AFF3: variants seen among roughly 807,000 people sequenced by gnomAD.
AFF3 encodes ALF transcription elongation factor 3, also known as AF4/FMR2 family member 3.
AFF3 carries 32 observed loss-of-function variants against 129.7 expected under a neutral mutation model. That is an observed-to-expected ratio of 0.25 (90% CI 0.19 to 0.33). The LOEUF (loss-of-function observed/expected upper bound fraction) is 0.33. AFF3 is among the 10% of genes least tolerant of loss of function. The pLI is 1.00. For synonymous variants in AFF3, 644 were observed against 635.4 expected, an observed-to-expected ratio of 1.01 and a Z score of -0.20; for missense variants, 1,373 against 1,592.0, an observed-to-expected ratio of 0.86 and a Z score of 2.34.
intron 13 of AFF3, among the ~76,000 whole-genome samples, chr2:99,634,416 T>C (rs892192169): frequency 6.6e-6 from 1 of 152,196 alleles, no homozygotes; most frequent in South Asian, 2.1e-4. Context: ...TTCCGATTAT[T>C]CAGGGAATCT....
Position 100,006,637 on chromosome 2 carries a change from C to T in AFF3, c.868G>A (p.Gly290Arg). 6.2e-7 allele frequency: 1 copy of T among 1,604,958 alleles called. No individual in the cohort carries two copies. The highest frequency in any genetic ancestry group is 2.2e-5 in the East Asian group (1 of 44,632). ...KLSKFSIPKQ[G>R]EESRSGETNS... Reference sequence around the variant, plus strand: ...CGGTGCTGATAAAGACTCACCTCCCCCTGCTTGGGGATGCTGAACTTGGAG... The same window carrying T: ...CGGTGCTGATAAAGACTCACCTCCCTCTGCTTGGGGATGCTGAACTTGGAG... Residue 290 changes from glycine to arginine, a missense_variant, in exon 7 of 25, where the codon GGG (glycine) becomes AGG (arginine). Physicochemically the swap from Gly to Arg is moderately radical, Grantham distance 125 (BLOSUM62 -2). Coordinates refer to ENST00000672756, the MANE Select transcript of AFF3 (RefSeq NM_001386135.1).
chr2:100,136,056 T>G (rs2105603431), intron 1 of AFF3, among the ~76,000 whole-genome samples: 1 of 152,212 alleles, frequency 6.6e-6, no homozygotes, highest in East Asian at 1.9e-4. Context: ...GAGAAAACTG[T>G]GGGAGGAACA....
chr2:100,015,519 T>G (rs1303288923), intron 4 of AFF3, among the ~76,000 whole-genome samples: 2 of 152,162 alleles, frequency 1.3e-5, no homozygotes, highest in Non-Finnish European at 2.9e-5. Flanking sequence ...TTAAGGAAAT[T>G]TAATCAAACA....
chr2:99,570,111 G>T (rs1559488638), intron 18 of AFF3, among the ~76,000 whole-genome samples: 1 of 152,164 alleles, frequency 6.6e-6, no homozygotes, highest in Non-Finnish European at 1.5e-5. Context: ...CATTCATTGT[G>T]GTGGGTCTTT....
At chr2:99,797,492 G>C (rs2105482044) in intron 8 of AFF3, among the ~76,000 whole-genome samples, 1 of 151,958 alleles carries the variant, frequency 6.6e-6, no homozygotes, top group East Asian at 1.9e-4. Context: ...AGAAAGGGGA[G>C]GGTAGAAAAT....
intron 1 of AFF3, among the ~76,000 whole-genome samples, chr2:100,139,528 C>T (rs143828094): frequency 0.015 from 2,351 of 152,110 alleles, 73 homozygotes; most frequent in African/African-American, 0.054. Context: ...TCATTATAAC[C>T]CCCCATTTTT....
intron 13 of AFF3, among the ~76,000 whole-genome samples, chr2:99,619,151 C>T (rs1025848021): frequency 3.3e-5 from 5 of 152,202 alleles, no homozygotes; most frequent in Non-Finnish European, 2.9e-5. Flanking sequence ...TCACATTTGG[C>T]TCCTGAAAAC....
chr2:99,652,582 A>C lies in AFF3; in HGVS notation c.1144-2916T>G, dbSNP rs1357432155. Among the ~76,000 whole-genome samples, 3 of 152,148 alleles carry C rather than the reference A, an allele frequency of 2.0e-5. No homozygotes were observed. In the East Asian group the frequency reaches 5.8e-4, roughly 29 times the overall value. Reference sequence around the variant, plus strand: ...GACAACTTCCATAAGTAATGCAGCAACACTGAATTAGGAAAACCATCTAGT... The same window carrying C: ...GACAACTTCCATAAGTAATGCAGCACCACTGAATTAGGAAAACCATCTAGT... On this transcript the variant is annotated intron_variant, in intron 12 of 24. Coordinates refer to ENST00000672756, the MANE Select transcript of AFF3 (RefSeq NM_001386135.1).
At chr2:99,575,959 C>T (rs1240713901) in intron 18 of AFF3, among the ~76,000 whole-genome samples, 3 of 152,144 alleles carry the variant, frequency 2.0e-5, no homozygotes, top group East Asian at 3.9e-4. Flanking sequence ...GCCTATAATC[C>T]TGCACTTTGG....
chr2:99,679,351 T>C (rs1349554328), intron 11 of AFF3, among the ~76,000 whole-genome samples: 1 of 152,138 alleles, frequency 6.6e-6, no homozygotes, highest in Non-Finnish European at 1.5e-5. Flanking sequence ...TATGACCTTA[T>C]TTTTAGTTAG....
chr2:100,023,302 T>C (rs1048952576), intron 4 of AFF3, among the ~76,000 whole-genome samples: 3 of 152,182 alleles, frequency 2.0e-5, no homozygotes, highest in African/African-American at 7.2e-5. Flanking sequence ...AGGTACATTC[T>C]GGAAGCAGCA....
Position 100,051,672 on chromosome 2 carries a change from T to A in AFF3, c.54-42740A>T, listed in dbSNP as rs183071953. On this transcript the variant is annotated intron_variant, in intron 4 of 24. Transcript: ENST00000672756. The stretch of plus-strand genomic sequence containing the variant: ...AATTAAAACTCAGGGGGTCTCTACA[T>A]GGACAGATGACTTGTAAGTGTCCGC... 8.1e-3 allele frequency among the ~76,000 whole-genome samples: 1,229 copies of A among 152,306 alleles called. 9 individuals are homozygous for A. The highest frequency in any genetic ancestry group is 0.013 in the Non-Finnish European group (880 of 68,032).
At chr2:100,033,784 A>T (rs2104980802) in intron 4 of AFF3, among the ~76,000 whole-genome samples, 1 of 152,332 alleles carries the variant, frequency 6.6e-6, no homozygotes, top group African/African-American at 2.4e-5. Context: ...AATTCTTATA[A>T]TACAATGTTC....
intron 4 of AFF3, among the ~76,000 whole-genome samples, chr2:100,090,341 G>A (rs1480058824): frequency 3.3e-5 from 5 of 152,064 alleles, no homozygotes; most frequent in African/African-American, 4.8e-5. Flanking sequence ...GACCAGATGT[G>A]GCAAACAGTT....
chr2:99,550,811 T>G lies in AFF3; in HGVS notation c.*663A>C, dbSNP rs1424541629. On this transcript the variant is annotated 3_prime_UTR_variant, in exon 25 of 25. Transcript: ENST00000672756. ...TCTGTTTGCCTGGAATGCATTTAGT[T>G]GATAATAGAGTCAGATGGGGGAAGG... 8.5e-6 allele frequency: 2 copies of G among 234,596 alleles called. No homozygotes were observed. Among genetic ancestry groups the G allele is most frequent in the Non-Finnish European group, 8.4e-6 (1 of 119,108 alleles). The allele number at this position is 234,596 out of a possible 1,614,324, so 14.5% of individuals were successfully genotyped here.
chr2:99,554,859 G>A, intron 22 of AFF3, 127 bp from the exon 23 acceptor site: 2 of 1,007,740 alleles, frequency 2.0e-6, no homozygotes, highest in South Asian at 2.9e-5. Context: ...GGCACCTTCA[G>A]AGAAACTGGA....
chr2:99,979,331 G>GT (rs1197512429), intron 7 of AFF3, among the ~76,000 whole-genome samples: 1 of 152,054 alleles, frequency 6.6e-6, no homozygotes, highest in Non-Finnish European at 1.5e-5. Context: ...AAGAAAAGGG[G>GT]TAAGAAGGCT....
At position 99,809,796 on chromosome 2, in the gene AFF3, A is replaced by G. The variant is rs982788048; in HGVS notation, c.921+27681T>C. On this transcript the variant is annotated intron_variant, in intron 8 of 24. Coordinates refer to ENST00000672756, the MANE Select transcript of AFF3 (RefSeq NM_001386135.1). The stretch of plus-strand genomic sequence containing the variant: ...ATTTGTTAACTTGCACACTTCCATG[A>G]TTTTTTGCAAGCTTCTTACTCATTG... 2.0e-5 allele frequency among the ~76,000 whole-genome samples: 3 copies of G among 152,230 alleles called. No individual in the cohort carries two copies. The South Asian group carries it at 6.2e-4, about 32-fold the overall frequency.
In AFF3 at chr2:99,553,352, C is replaced by T. The variant is rs750823496; in HGVS notation, c.3559+959G>A. ...GTGGTTTTATTTACAATCTCATGCA[C>T]TCTGCCATACATTCCTTATCTCATC... is the stretch of plus-strand genomic sequence containing the variant. On this transcript the variant is annotated intron_variant, in intron 24 of 24. Transcript: ENST00000672756. Among the ~76,000 whole-genome samples, 3 of 152,130 alleles carry T rather than the reference C, an allele frequency of 2.0e-5. No individual in the cohort carries two copies. In the South Asian group the frequency reaches 6.2e-4, roughly 32 times the overall value.
Sources: gnomAD v4.1 joint callset for allele counts (sites outside exome capture counted in the v4.1 genomes callset) on GRCh38, gnomAD v4.1.1 for gene constraint, MANE v1.5 for transcripts, NCBI Gene and HGNC (gene_info 2026-07-23, HGNC 2026-07-21) for gene names.